The following NPEPPS variants were observed in gnomAD, a reference collection of about 807,000 sequenced individuals.
NPEPPS encodes the protein puromycin-sensitive aminopeptidase.
A neutral mutation model predicts 115.5 loss-of-function variants in NPEPPS; 14 were observed. The observed-to-expected ratio is 0.12, with a 90% confidence interval of 0.08 to 0.19. The LOEUF (loss-of-function observed/expected upper bound fraction) is 0.19, where lower values mean the gene tolerates loss of function less well. Ranked by LOEUF, NPEPPS falls within the 10% of genes least tolerant of loss-of-function variation. The pLI is 1.00. For missense variants in NPEPPS, 523 were observed against 1,110.8 expected (o/e 0.47, Z 7.52); for synonymous variants, 285 against 390.6 (o/e 0.73, Z 3.19).
chr17:47,544,504 ATT>A (rs1909043590), intron 1 of NPEPPS, among the ~76,000 whole-genome samples: 29 of 24,056 alleles, frequency 1.2e-3, no homozygotes, highest in African/African-American at 6.0e-3. Flanking sequence ...AATTAAACGT[ATT>A]TATTTATTTA....
chr17:47,614,584 A>T (rs1869449455), intron 19 of NPEPPS, among the ~76,000 whole-genome samples: 1 of 152,200 alleles, frequency 6.6e-6, no homozygotes, highest in Non-Finnish European at 1.5e-5. Context: ...CAAAATATAG[A>T]TAAAACTTTC....
chr17:47,588,575 A>AG (rs534869942), intron 9 of NPEPPS, among the ~76,000 whole-genome samples: 6 of 152,170 alleles, frequency 3.9e-5, no homozygotes, highest in Non-Finnish European at 8.8e-5. Context: ...AAAAAAAAAA[A>AG]AAGAAATATA....
At chr17:47,575,902 C>T (rs1179428888) in intron 3 of NPEPPS, among the ~76,000 whole-genome samples, 1 of 151,980 alleles carries the variant, frequency 6.6e-6, no homozygotes, top group Non-Finnish European at 1.5e-5. Flanking sequence ...GCCACCACGC[C>T]CCACCGACAA....
intron 5 of NPEPPS, among the ~76,000 whole-genome samples, chr17:47,583,931 A>AT (rs1286611160): frequency 6.6e-6 from 1 of 150,504 alleles, no homozygotes; most frequent in Non-Finnish European, 1.5e-5. Flanking sequence ...CTTAAAAAAA[A>AT]AAAAATAGGC....
At chr17:47,563,919 A>G (rs995277038) in intron 2 of NPEPPS, among the ~76,000 whole-genome samples, 2 of 150,696 alleles carry the variant, frequency 1.3e-5, no homozygotes, top group Non-Finnish European at 3.0e-5. Context: ...TGTGTTTTAT[A>G]TAAGAGTATA....
intron 1 of NPEPPS, 103 bp downstream of exon 1, chr17:47,531,658 G>A (rs1165866233): frequency 7.3e-7 from 1 of 1,374,668 alleles, no homozygotes; most frequent in Admixed American, 3.9e-5. Context: ...CGGGCCTCGG[G>A]TCGGGGCTGG....
chr17:47,551,966 CTTTT>C (rs1294867980), intron 2 of NPEPPS, among the ~76,000 whole-genome samples: 1 of 100,892 alleles, frequency 9.9e-6, no homozygotes, highest in African/African-American at 3.2e-5. Context: ...GGATTTCTTT[CTTTT>C]TTTTTTTTTT....
Position 47,585,707 on chromosome 17 carries a change from G to A in NPEPPS, c.849+7G>A, listed in dbSNP as rs770893205. The A allele has an allele frequency of 1.7e-5, 27 of 1,608,628 alleles. No homozygotes were observed. The highest frequency in any genetic ancestry group is 2.6e-6 in the Non-Finnish European group (3 of 1,175,116). ...AGGAAAATTTGCGTTAGAGGTAAAT[G>A]TACTTGAAGAGGATTGTTCCAACAG... On this transcript the variant is annotated splice_region_variant and intron_variant, in intron 6 of 22. Transcript: ENST00000322157.
intron 15 of NPEPPS, among the ~76,000 whole-genome samples, chr17:47,602,345 C>T (rs1206859184): frequency 1.3e-5 from 2 of 151,826 alleles, no homozygotes; most frequent in South Asian, 2.1e-4. Flanking sequence ...AAAAGCCCGC[C>T]GAACGCTGTG....
intron 3 of NPEPPS, among the ~76,000 whole-genome samples, chr17:47,575,141 A>G (rs987751032): frequency 6.6e-6 from 1 of 152,222 alleles, no homozygotes; most frequent in African/African-American, 2.4e-5. Context: ...ATGCTATGCA[A>G]TGAAATTTTG....
At chr17:47,524,630 G>A (rs984927337) in intron 1 of NPEPPS, among the ~76,000 whole-genome samples, 29 of 151,120 alleles carry the variant, frequency 1.9e-4, no homozygotes, top group African/African-American at 7.0e-4. Context: ...GAGTAGCTGG[G>A]ACTACAGGCA....
chr17:47,586,402 T>C lies in NPEPPS; in HGVS notation c.980+4T>C, dbSNP rs1258929924. On this transcript the variant is annotated splice_donor_region_variant and intron_variant, in intron 8 of 22. Coordinates refer to ENST00000322157, the MANE Select transcript of NPEPPS (RefSeq NM_006310.4). Reference sequence around the variant, plus strand: ...ACTGGGGCCTTGTTACTTATAGGTATGTTAATGATGTGTTACCCTGCCTTA... The same window carrying C: ...ACTGGGGCCTTGTTACTTATAGGTACGTTAATGATGTGTTACCCTGCCTTA... 1.9e-6 allele frequency: 3 copies of C among 1,545,044 alleles called. No homozygotes were observed. The highest frequency in any genetic ancestry group is 1.4e-5 in the African/African-American group (1 of 73,084).
chr17:47,529,319 C>A (rs981699226), upstream of NPEPPS, among the ~76,000 whole-genome samples: 1 of 151,766 alleles, frequency 6.6e-6, no homozygotes, highest in African/African-American at 2.4e-5. Flanking sequence ...CTGCAGCCTC[C>A]ATCCACCTCC....
chr17:47,543,801 C>A (rs1908965995), intron 1 of NPEPPS, among the ~76,000 whole-genome samples: 1 of 152,114 alleles, frequency 6.6e-6, no homozygotes, highest in South Asian at 2.1e-4. Flanking sequence ...TCCAGAAAGT[C>A]CACTATTAGG....
chr17:47,577,226 C>G, intron 3 of NPEPPS: 1 of 537,852 alleles, frequency 1.9e-6, no homozygotes, highest in South Asian at 1.6e-5. Context: ...GGAAAAAATG[C>G]AAGTAGATTT....
At chr17:47,619,622 A>T in intron 21 of NPEPPS, 115 bp from the exon 22 acceptor site, 1 of 833,074 alleles carries the variant, frequency 1.2e-6, no homozygotes, top group Non-Finnish European at 2.0e-6. Context: ...CCCATCACAC[A>T]TCCTTTATAA....
chr17:47,613,832 C>A, intron 19 of NPEPPS, 107 bp downstream of exon 19: 1 of 757,114 alleles, frequency 1.3e-6, no homozygotes. Flanking sequence ...AAGAAAGATG[C>A]ATATTGTAGA....
chr17:47,606,572 C>G (rs1450288879), intron 17 of NPEPPS, among the ~76,000 whole-genome samples: 5 of 152,028 alleles, frequency 3.3e-5, no homozygotes, highest in Non-Finnish European at 5.9e-5. Flanking sequence ...ATTCTCCTGC[C>G]TCAGCCTCCC....
chr17:47,535,050 C>T (rs1254679529), intron 1 of NPEPPS, among the ~76,000 whole-genome samples: 1 of 149,236 alleles, frequency 6.7e-6, no homozygotes, highest in Admixed American at 6.7e-5. Context: ...CGAGACCATC[C>T]TGGCTAACAC....
Sources: allele counts gnomAD v4.1 joint callset (sites outside exome capture counted in the v4.1 genomes callset), GRCh38; gene constraint gnomAD v4.1.1; transcripts MANE v1.5; gene names NCBI Gene and HGNC (gene_info 2026-07-23, HGNC 2026-07-21).